ZNF638: variants seen among roughly 807,000 people sequenced by gnomAD.
ZNF638 encodes the protein zinc finger protein 638, also known as CTCL tumor antigen se33-1.
In ZNF638, 46 loss-of-function variants were observed where a neutral mutation model predicts 195.6. The observed-to-expected ratio is 0.24, with a 90% CI of 0.19 to 0.30. The LOEUF (loss-of-function observed/expected upper bound fraction) is 0.30, where lower values mean the gene tolerates loss of function less well. Among genes scored for constraint, ZNF638 ranks in the 10% least tolerant of loss-of-function variants. The probability of loss-of-function intolerance (pLI) is 1.00; values close to 1 mark genes in which losing one functional copy is unlikely to be tolerated. For missense variants in ZNF638, 2,440 were observed against 2,325.3 expected, an observed-to-expected ratio of 1.05 and a Z score of -1.01; for synonymous variants, 845 against 772.0, an observed-to-expected ratio of 1.09 and a Z score of -1.57.
chr2:71,332,047 C>T (rs1031733307), intron 1 of ZNF638, among the ~76,000 whole-genome samples, 172 bp downstream of exon 1: 2 of 152,146 alleles, frequency 1.3e-5, no homozygotes, highest in African/African-American at 4.8e-5. Flanking sequence ...GGGGGACCCC[C>T]GGGATGGGAA....
At chr2:71,411,123 G>A (rs1379997075) in intron 20 of ZNF638, among the ~76,000 whole-genome samples, 1 of 149,940 alleles carries the variant, frequency 6.7e-6, no homozygotes, top group South Asian at 2.1e-4. Context: ...TCAGCCTTCC[G>A]AGTAGCTGGG....
intron 10 of ZNF638, among the ~76,000 whole-genome samples, chr2:71,392,602 C>T (rs1236237841): frequency 1.3e-5 from 2 of 152,200 alleles, no homozygotes; most frequent in Non-Finnish European, 2.9e-5. Context: ...ACACAGCTCA[C>T]TGCCTTGCCC....
chr2:71,370,343 C>A (rs938072315), intron 8 of ZNF638, among the ~76,000 whole-genome samples: 2 of 151,260 alleles, frequency 1.3e-5, no homozygotes, highest in African/African-American at 4.8e-5. Flanking sequence ...ACCCTCCCTT[C>A]TTCTCACAAG....
At chr2:71,369,617 C>T (rs901410818) in intron 7 of ZNF638, among the ~76,000 whole-genome samples, 1 of 152,174 alleles carries the variant, frequency 6.6e-6, no homozygotes, top group Admixed American at 6.5e-5. Context: ...GCCCTGCCTT[C>T]TCATTTCCTC....
At chr2:71,373,159 T>A (rs893072360) in intron 8 of ZNF638, among the ~76,000 whole-genome samples, 3 of 152,234 alleles carry the variant, frequency 2.0e-5, no homozygotes, top group African/African-American at 7.2e-5. Flanking sequence ...TTTCTTCAGC[T>A]TTAAAAATTC....
At chr2:71,343,902 G>A (rs1478304590) in intron 1 of ZNF638, among the ~76,000 whole-genome samples, 4 of 47,878 alleles carry the variant, frequency 8.4e-5, no homozygotes, top group African/African-American at 1.6e-4. Flanking sequence ...AGGCTGAGGC[G>A]GGTGGATCAC....
intron 10 of ZNF638, among the ~76,000 whole-genome samples, chr2:71,390,630 C>A (rs1317097281): frequency 6.6e-6 from 1 of 152,072 alleles, no homozygotes; most frequent in African/African-American, 2.4e-5. Flanking sequence ...AGCACGGGAG[C>A]CGTAGGAGTG....
At chr2:71,360,306 A>G (rs1377028977) in intron 3 of ZNF638, among the ~76,000 whole-genome samples, 1 of 152,240 alleles carries the variant, frequency 6.6e-6, no homozygotes. Flanking sequence ...ATTATGGGAC[A>G]TCATTTCTAA....
chr2:71,377,828 T>G (rs915516201), intron 8 of ZNF638, among the ~76,000 whole-genome samples: 1 of 152,236 alleles, frequency 6.6e-6, no homozygotes, highest in African/African-American at 2.4e-5. Context: ...TGGGGCACCT[T>G]ATAGTGATCT....
intron 19 of ZNF638, chr2:71,407,428 C>A (rs1473382441): frequency 6.6e-6 from 1 of 152,146 alleles, no homozygotes; most frequent in Non-Finnish European, 1.5e-5. Flanking sequence ...CTCTTGTTTC[C>A]TTTAAATAAG....
At chr2:71,430,608 A>G (rs888070599) in intron 25 of ZNF638, among the ~76,000 whole-genome samples, 3 of 152,160 alleles carry the variant, frequency 2.0e-5, no homozygotes, top group Non-Finnish European at 2.9e-5. Context: ...TGCTTTCTCC[A>G]TCTCTGAAGA....
chr2:71,341,385 T>C (rs1233306498), intron 1 of ZNF638, among the ~76,000 whole-genome samples: 1 of 152,158 alleles, frequency 6.6e-6, no homozygotes, highest in Non-Finnish European at 1.5e-5. Context: ...AAATAGTAAA[T>C]TTAGAAAAAT....
At chr2:71,402,944 T>C (rs949744246) in intron 16 of ZNF638, among the ~76,000 whole-genome samples, 1 of 152,144 alleles carries the variant, frequency 6.6e-6, no homozygotes, top group African/African-American at 2.4e-5. Context: ...AGGTGAGTTA[T>C]GTGTAATTTC....
intron 3 of ZNF638, among the ~76,000 whole-genome samples, chr2:71,360,620 TG>T (rs764937714): frequency 6.6e-6 from 1 of 152,180 alleles, no homozygotes. Context: ...TTTGTGGTGT[TG>T]ATTTTTTCCT....
intron 19 of ZNF638, chr2:71,407,232 G>C (rs1425207752): frequency 1.3e-5 from 2 of 152,086 alleles, no homozygotes; most frequent in African/African-American, 4.8e-5. Flanking sequence ...TCTTTGATAT[G>C]CTTCTGATAA....
Position 71,403,922 on chromosome 2 carries a change from C to A in ZNF638, c.2882C>A (p.Thr961Asn), listed in dbSNP as rs1319077534. Residue 961 changes from threonine (T) to asparagine (N), a missense_variant, in exon 17 of 28, where the codon ACC (threonine) becomes AAC (asparagine). This residue lies in a region of ZNF638 where 1,883 missense variants were observed against 1,739.1 expected (regional missense o/e 1.08). Coordinates refer to ENST00000264447, the MANE Select transcript of ZNF638 (RefSeq NM_014497.5). ...KAAESMVKFY[T>N]CFPVLMDGNQ... is the part of the protein sequence containing the mutation. ...GCTGAGTCTATGGTAAAATTTTATA[C>A]CTGCTTCCCAGTATTGATGGATGGA... The A allele has an allele frequency of 1.2e-6, 2 of 1,608,648 alleles. No homozygotes were observed. The highest frequency in any genetic ancestry group is 2.2e-5 in the East Asian group (1 of 44,726).
intron 1 of ZNF638, among the ~76,000 whole-genome samples, chr2:71,338,134 C>T (rs2078702959): frequency 6.6e-6 from 1 of 152,134 alleles, no homozygotes; most frequent in Admixed American, 6.6e-5. Context: ...CTTGTTTCCC[C>T]CCACTCCCCC....
chr2:71,433,786 G>A (rs1240874753), intron 27 of ZNF638, among the ~76,000 whole-genome samples: 1 of 152,190 alleles, frequency 6.6e-6, no homozygotes, highest in Non-Finnish European at 1.5e-5. Context: ...CATCCTCTCT[G>A]TTGAATTTGT....
Position 71,368,543 on chromosome 2 carries a change from C to A in ZNF638, c.2142+15C>A. 6.2e-7 allele frequency: 1 copy of A among 1,608,042 alleles called. No individual in the cohort carries two copies. Among genetic ancestry groups the A allele is most frequent in the South Asian group, 1.1e-5 (1 of 89,816 alleles). On this transcript the variant is annotated intron_variant, in intron 7 of 27. Coordinates refer to ENST00000264447, the MANE Select transcript of ZNF638 (RefSeq NM_014497.5). ...ATAGAAAAGAGGTGAGTCATTTAGT[C>A]TGTGGCAAAAATTCATACAAAGTGA...
Sources: gnomAD v4.1 joint callset for allele counts (sites outside exome capture counted in the v4.1 genomes callset) on GRCh38, gnomAD v4.1.1 for gene constraint, gnomAD v4.1.1 regional missense constraint, MANE v1.5 for transcripts, NCBI Gene and HGNC (gene_info 2026-07-23, HGNC 2026-07-21) for gene names.